Variants in COMMD10 observed in about 807,000 individuals in gnomAD.
The protein encoded by COMMD10 is COMM domain containing 10, also known as COMM domain-containing protein 10.
A neutral mutation model predicts 28.9 loss-of-function variants in COMMD10; 33 were observed. That is an observed-to-expected ratio of 1.14 (90% CI 0.87 to 1.53). The LOEUF (loss-of-function observed/expected upper bound fraction) is 1.53, where lower values mean the gene tolerates loss of function less well. Ranked by LOEUF, COMMD10 falls within the 40% of genes most tolerant of loss-of-function variation. COMMD10 has a pLI of 0.00. For synonymous variants in COMMD10, 110 were observed against 81.7 expected (o/e 1.35, Z -1.87); for missense variants, 310 against 233.4 (o/e 1.33, Z -2.14).
chr5:116,228,855 A>G (rs1749460809), intron 5 of COMMD10, among the ~76,000 whole-genome samples: 1 of 152,040 alleles, frequency 6.6e-6, no homozygotes, highest in East Asian at 1.9e-4. Flanking sequence ...TCATGAGCAA[A>G]GAAAAATTAC....
intron 5 of COMMD10, among the ~76,000 whole-genome samples, chr5:116,180,007 G>A (rs1016979849): frequency 2.0e-5 from 3 of 151,886 alleles, no homozygotes; most frequent in African/African-American, 7.3e-5. Flanking sequence ...GATGAATTGA[G>A]GTTTTTTGTT....
At chr5:116,239,319 G>T (rs1749756286) in intron 5 of COMMD10, among the ~76,000 whole-genome samples, 1 of 152,120 alleles carries the variant, frequency 6.6e-6, no homozygotes, top group Non-Finnish European at 1.5e-5. Flanking sequence ...TCTCTTCAAA[G>T]AAGCCTCATC....
intron 4 of COMMD10, among the ~76,000 whole-genome samples, chr5:116,100,970 A>G (rs1750641285): frequency 6.6e-6 from 1 of 152,108 alleles, no homozygotes; most frequent in Non-Finnish European, 1.5e-5. Flanking sequence ...TTTAGCTCCC[A>G]CTTATGAGTA....
chr5:116,285,641 G>A (rs926229151), intron 5 of COMMD10, among the ~76,000 whole-genome samples: 1 of 151,910 alleles, frequency 6.6e-6, no homozygotes, highest in African/African-American at 2.4e-5. Context: ...TTCTGTTAAT[G>A]CAGTGTAATA....
At chr5:116,135,400 TG>T (rs1353943478) in intron 5 of COMMD10, among the ~76,000 whole-genome samples, 14 of 152,222 alleles carry the variant, frequency 9.2e-5, no homozygotes, top group Non-Finnish European at 1.8e-4. Flanking sequence ...GGAATTGACT[TG>T]AGTCTTACAT....
chr5:116,250,335 A>T (rs1750073712), intron 5 of COMMD10, among the ~76,000 whole-genome samples: 1 of 151,828 alleles, frequency 6.6e-6, no homozygotes, highest in Non-Finnish European at 1.5e-5. Context: ...TTTTCAATTC[A>T]TATGAATATG....
chr5:116,122,009 G>T (rs924755315), intron 4 of COMMD10, among the ~76,000 whole-genome samples: 3 of 152,250 alleles, frequency 2.0e-5, no homozygotes, highest in African/African-American at 7.2e-5. Context: ...TGACTATTTT[G>T]GCTTTTGTTG....
intron 5 of COMMD10, among the ~76,000 whole-genome samples, chr5:116,220,226 T>G (rs1293161456): frequency 6.6e-6 from 1 of 152,180 alleles, no homozygotes; most frequent in Non-Finnish European, 1.5e-5. Context: ...AAATCAGGCA[T>G]AAAGTCTCAG....
intron 5 of COMMD10, among the ~76,000 whole-genome samples, chr5:116,202,624 G>C (rs371872872): frequency 0.027 from 4,110 of 150,668 alleles, 176 homozygotes; most frequent in African/African-American, 0.095. Context: ...ATTTGCATTT[G>C]TCTGATGGCC....
chr5:116,150,549 G>A (rs1341210661), intron 5 of COMMD10, among the ~76,000 whole-genome samples: 2 of 141,618 alleles, frequency 1.4e-5, no homozygotes, highest in African/African-American at 2.9e-5. Flanking sequence ...GTGGTTTGTA[G>A]TTCTCCTTGA....
At chr5:116,103,410 T>C (rs1227751683) in intron 4 of COMMD10, among the ~76,000 whole-genome samples, 3 of 152,246 alleles carry the variant, frequency 2.0e-5, no homozygotes, top group Admixed American at 2.0e-4. Flanking sequence ...TGCATTTCTC[T>C]AATGACCAGT....
chr5:116,217,925 A>AT, intron 5 of COMMD10: 3 of 702,852 alleles, frequency 4.3e-6, no homozygotes, highest in Non-Finnish European at 7.6e-6. Flanking sequence ...AAAAAAAAAA[A>AT]GTAAAACAAA....
At chr5:116,265,902 C>T (rs1382809199) in intron 5 of COMMD10, among the ~76,000 whole-genome samples, 1 of 151,742 alleles carries the variant, frequency 6.6e-6, no homozygotes, top group Non-Finnish European at 1.5e-5. Flanking sequence ...CCTTAAGAAC[C>T]TTTCATCCTA....
intron 5 of COMMD10, among the ~76,000 whole-genome samples, chr5:116,190,343 A>C (rs894496687): frequency 6.6e-6 from 1 of 152,208 alleles, no homozygotes; most frequent in Non-Finnish European, 1.5e-5. Context: ...ATGAATGTAC[A>C]GAGGAACAGA....
chr5:116,131,634 G>A (rs1477388134), intron 4 of COMMD10, among the ~76,000 whole-genome samples: 1 of 152,006 alleles, frequency 6.6e-6, no homozygotes, highest in African/African-American at 2.4e-5. Context: ...CTCTGTCAGA[G>A]GCTGTTGTAG....
At chr5:116,290,637 C>A (rs892203006) in intron 5 of COMMD10, among the ~76,000 whole-genome samples, 2 of 151,874 alleles carry the variant, frequency 1.3e-5, no homozygotes, top group Non-Finnish European at 2.9e-5. Flanking sequence ...CAGTTTTCTA[C>A]TTCTTTAGTT....
rs1171107991 is a variant in COMMD10 at position 116,155,900 on chromosome 5, A to C, written c.510+21722A>C. Among the ~76,000 whole-genome samples the C allele has an allele frequency of 2.0e-5, 3 of 151,846 alleles. No individual in the cohort carries two copies. In the East Asian group the frequency reaches 5.8e-4, roughly 29 times the overall value. ...TTTAATATATCACATTTATTAATAT[A>C]AGAGAAAATTATAGAAGTCAATTAT... On this transcript the variant is annotated intron_variant, in intron 5 of 6. Coordinates refer to ENST00000274458, the MANE Select transcript of COMMD10 (RefSeq NM_016144.4).
intron 5 of COMMD10, among the ~76,000 whole-genome samples, chr5:116,275,240 T>C (rs2112701757): frequency 6.6e-6 from 1 of 152,010 alleles, no homozygotes; most frequent in East Asian, 1.9e-4. Flanking sequence ...TGTTATAGTC[T>C]GTTGCTTCTA....
chr5:116,192,125 C>T (rs1452759691), intron 5 of COMMD10, among the ~76,000 whole-genome samples: 1 of 152,068 alleles, frequency 6.6e-6, no homozygotes, highest in Non-Finnish European at 1.5e-5. Context: ...AGTACTACAT[C>T]AAGGGAACAC....
Sources: allele counts gnomAD v4.1 joint callset (sites outside exome capture counted in the v4.1 genomes callset), GRCh38; gene constraint gnomAD v4.1.1; transcripts MANE v1.5; gene names NCBI Gene and HGNC (gene_info 2026-07-23, HGNC 2026-07-21).